The following PEX14 variants were observed in gnomAD, a reference collection of about 807,000 sequenced individuals.
The protein encoded by PEX14 is peroxisomal biogenesis factor 14, also known as peroxisomal membrane protein PEX14.
A neutral mutation model predicts 49.5 loss-of-function variants in PEX14; 15 were observed. The ratio of observed to expected loss-of-function variants is 0.30; its 90% CI spans 0.20 to 0.47. PEX14 has a LOEUF of 0.47. PEX14 is among the 20% of genes least tolerant of loss of function. The pLI is 1.00. For synonymous variants in PEX14, 210 were observed against 212.7 expected (o/e 0.99, Z 0.11); for missense variants, 398 against 494.8 (o/e 0.80, Z 1.86).
chr1:10,498,343 G>A (rs1165729807), intron 2 of PEX14, among the ~76,000 whole-genome samples: 2 of 152,098 alleles, frequency 1.3e-5, no homozygotes, highest in African/African-American at 4.8e-5. Context: ...AGTAAATTAC[G>A]ACAGAAGAAG....
rs1400918981 is a variant in PEX14 at position 10,622,386 on chromosome 1, C to T, written c.385-633C>T. ...AGGAAGTTTGTTCTGAGGATTCAGGCTTCATTTAGAAAAAGACTGAGGTGA... is the reference window on the plus strand; with the variant it reads ...AGGAAGTTTGTTCTGAGGATTCAGGTTTCATTTAGAAAAAGACTGAGGTGA... On this transcript the variant is annotated intron_variant, in intron 5 of 8. Coordinates refer to ENST00000356607, the MANE Select transcript of PEX14 (RefSeq NM_004565.3). Among the ~76,000 whole-genome samples, 4 of 152,198 alleles carry T rather than the reference C, an allele frequency of 2.6e-5. No homozygotes were observed. In the East Asian group the frequency reaches 7.7e-4, roughly 29 times the overall value.
intron 2 of PEX14, among the ~76,000 whole-genome samples, chr1:10,521,567 A>G (rs1638295927): frequency 6.6e-6 from 1 of 152,260 alleles, no homozygotes. Context: ...TCTAAGCAGT[A>G]TTAGTTCCAG....
chr1:10,601,088 C>G (rs1280054677), intron 4 of PEX14, among the ~76,000 whole-genome samples: 2 of 152,118 alleles, frequency 1.3e-5, no homozygotes, highest in African/African-American at 2.4e-5. Context: ...GTGGCAAAAC[C>G]CTGTCTCTAA....
chr1:10,482,787 A>G (rs1416073267), intron 1 of PEX14, among the ~76,000 whole-genome samples: 1 of 152,196 alleles, frequency 6.6e-6, no homozygotes, highest in Non-Finnish European at 1.5e-5. Context: ...GGTCATTACA[A>G]ATAGTACTGC....
At chr1:10,603,877 C>T (rs1414414659) in intron 4 of PEX14, among the ~76,000 whole-genome samples, 1 of 152,186 alleles carries the variant, frequency 6.6e-6, no homozygotes, top group Non-Finnish European at 1.5e-5. Context: ...GCTTCAGTTG[C>T]TTCTTCTCAA....
intron 2 of PEX14, among the ~76,000 whole-genome samples, chr1:10,496,307 G>A (rs1312671442): frequency 2.0e-5 from 3 of 152,146 alleles, no homozygotes; most frequent in African/African-American, 4.8e-5. Context: ...CTGCTGTTAC[G>A]TCACCAGTTA....
chr1:10,559,760 A>G (rs990675432), intron 3 of PEX14, among the ~76,000 whole-genome samples: 2 of 152,232 alleles, frequency 1.3e-5, no homozygotes, highest in Non-Finnish European at 2.9e-5. Context: ...CTCTCAGAGG[A>G]CAACTGACAG....
At chr1:10,558,929 A>G (rs1488069806) in intron 3 of PEX14, among the ~76,000 whole-genome samples, 1 of 152,050 alleles carries the variant, frequency 6.6e-6, no homozygotes, top group Non-Finnish European at 1.5e-5. Context: ...CTGTATTTTT[A>G]ATTTATTCTT....
intron 1 of PEX14, among the ~76,000 whole-genome samples, chr1:10,479,537 A>T (rs917151581): frequency 6.6e-6 from 1 of 152,204 alleles, no homozygotes; most frequent in African/African-American, 2.4e-5. Context: ...CAACTTTCCT[A>T]CTAGCTTTTC....
chr1:10,567,050 A>G (rs1385537601), intron 3 of PEX14, among the ~76,000 whole-genome samples: 1 of 152,220 alleles, frequency 6.6e-6, no homozygotes, highest in Admixed American at 6.5e-5. Context: ...TGGTAGCACA[A>G]AAGCAGCCGT....
At chr1:10,553,642 T>C (rs1487058521) in intron 3 of PEX14, among the ~76,000 whole-genome samples, 1 of 69,366 alleles carries the variant, frequency 1.4e-5, no homozygotes, top group African/African-American at 3.8e-5. Flanking sequence ...TAAAGTCTGC[T>C]TCTCCCTCCA....
At chr1:10,543,386 G>A (rs1254742927) in intron 3 of PEX14, among the ~76,000 whole-genome samples, 7 of 151,998 alleles carry the variant, frequency 4.6e-5, no homozygotes, top group Non-Finnish European at 5.9e-5. Flanking sequence ...CACCTGTCTC[G>A]GCCTCTCAAA....
intron 3 of PEX14, among the ~76,000 whole-genome samples, chr1:10,555,508 C>T (rs1427048990): frequency 2.6e-5 from 4 of 152,186 alleles, no homozygotes; most frequent in Non-Finnish European, 5.9e-5. Flanking sequence ...CAGCGTTTAA[C>T]CTATCAGAAT....
Position 10,512,045 on chromosome 1 carries a change from C to T in PEX14, c.84+16724C>T, listed in dbSNP as rs570037197. ...CATAATCTTGGCTCACTGCACGCTCCGCCTCCCGGGTTTACGCCATTCTCC... is the reference window on the plus strand; with the variant it reads ...CATAATCTTGGCTCACTGCACGCTCTGCCTCCCGGGTTTACGCCATTCTCC... On this transcript the variant is annotated intron_variant, in intron 2 of 8. Coordinates refer to ENST00000356607, the MANE Select transcript of PEX14 (RefSeq NM_004565.3). This position sits in a 1 kb window ranked among gnomAD's most constrained non-coding sequence, Gnocchi z 4.6. Among the ~76,000 whole-genome samples the T allele has an allele frequency of 6.2e-4, 95 of 152,176 alleles. No homozygotes were observed. The highest frequency in any genetic ancestry group is 1.1e-3 in the Non-Finnish European group (74 of 67,998).
chr1:10,506,171 C>T (rs530391857), intron 2 of PEX14, among the ~76,000 whole-genome samples: 3 of 152,318 alleles, frequency 2.0e-5, no homozygotes, highest in Non-Finnish European at 2.9e-5. Flanking sequence ...CTCATCTGTA[C>T]CCCAGGAGCT....
intron 2 of PEX14, among the ~76,000 whole-genome samples, chr1:10,513,098 A>G (rs918917976): frequency 1.3e-5 from 2 of 152,208 alleles, no homozygotes; most frequent in African/African-American, 4.8e-5. Flanking sequence ...TATGCCTCCA[A>G]TGAAGGAGAG....
At chr1:10,528,145 TG>T (rs1638546205) in intron 2 of PEX14, 1 of 161,544 alleles carries the variant, frequency 6.2e-6, no homozygotes, top group Admixed American at 6.5e-5. Flanking sequence ...TTGCACCAGC[TG>T]GTGGTCACCT....
At chr1:10,531,483 A>G (rs1638649162) in intron 2 of PEX14, among the ~76,000 whole-genome samples, 4 of 152,138 alleles carry the variant, frequency 2.6e-5, no homozygotes, top group African/African-American at 9.7e-5. Flanking sequence ...TATCTACTTT[A>G]GTGTATGAAC....
At position 10,545,838 on chromosome 1, in the gene PEX14, G is replaced by C. The variant is rs12238989; in HGVS notation, c.169+9541G>C. On this transcript the variant is annotated intron_variant, in intron 3 of 8. Transcript: ENST00000356607. ...ACAGAAGGATTGCTTTAGATGGAAG[G>C]GTTGAGACCAGCCTAGACAACACAG... 9.2e-3 allele frequency among the ~76,000 whole-genome samples: 1,393 copies of C among 152,204 alleles called. 15 individuals are homozygous for C. The highest frequency in any genetic ancestry group is 0.013 in the Non-Finnish European group (860 of 68,004).
Sources: gnomAD v4.1 joint callset for allele counts (sites outside exome capture counted in the v4.1 genomes callset) on GRCh38, gnomAD v4.1.1 for gene constraint, Gnocchi (gnomAD v3.1) non-coding constraint, MANE v1.5 for transcripts, NCBI Gene and HGNC (gene_info 2026-07-23, HGNC 2026-07-21) for gene names.